Variants in HDGFL2 observed in about 807,000 individuals in gnomAD.
HDGFL2 encodes hepatoma-derived growth factor-related protein 2.
HDGFL2 carries 36 observed loss-of-function variants against 77.1 expected under a neutral mutation model. The ratio of observed to expected loss-of-function variants is 0.47; its 90% CI spans 0.36 to 0.62. HDGFL2 has a LOEUF of 0.62. HDGFL2 is among the 20% of genes least tolerant of loss of function. HDGFL2 has a pLI of 0.00. For synonymous variants in HDGFL2, 463 were observed against 413.1 expected (o/e 1.12, Z -1.46); for missense variants, 976 against 973.4 (o/e 1.00, Z -0.04).
At position 4,501,091 on chromosome 19, in the gene HDGFL2, G is replaced by A. The variant is rs966042066; in HGVS notation, c.1790-100G>A. On this transcript the variant is annotated intron_variant, in intron 14 of 15. Transcript: ENST00000616600. ...AGGTGGATGGGCATGTGTCACCCAC[G>A]GCGCTCAGCTTGGCCCCTGGTCCAG... 14 of 1,469,758 alleles carry A rather than the reference G, an allele frequency of 9.5e-6. No homozygotes were observed. In the Admixed American group the frequency reaches 1.1e-4, roughly 12 times the overall value. 91.0% of individuals were successfully genotyped at this position (1,469,758 alleles called of 1,614,324 possible). A position where few individuals can be genotyped will look rare whatever the true frequency, so the allele number is the denominator to read the frequency against.
At chr19:4,477,790 G>T (rs1390945866) in intron 3 of HDGFL2, among the ~76,000 whole-genome samples, 1 of 152,112 alleles carries the variant, frequency 6.6e-6, no homozygotes, top group Non-Finnish European at 1.5e-5. Context: ...TGTTTAAGAT[G>T]CAGATTCCTG....
At chr19:4,495,101 G>A (rs1051980642) in intron 9 of HDGFL2, among the ~76,000 whole-genome samples, 2 of 152,004 alleles carry the variant, frequency 1.3e-5, no homozygotes, top group African/African-American at 4.8e-5. Context: ...AAAAGGCTCC[G>A]AATGGGCTGG....
At chr19:4,473,222 C>T (rs965936828) in intron 1 of HDGFL2, among the ~76,000 whole-genome samples, 2 of 138,894 alleles carry the variant, frequency 1.4e-5, no homozygotes, top group African/African-American at 5.5e-5. Context: ...GGGGGGTGTC[C>T]AGGGCCTGAA....
intron 4 of HDGFL2, among the ~76,000 whole-genome samples, chr19:4,490,243 A>G (rs1347485733): frequency 5.9e-5 from 9 of 152,102 alleles, no homozygotes; most frequent in Admixed American, 5.9e-4. Flanking sequence ...GCCCGCTACC[A>G]CGTCCGGCTA....
intron 3 of HDGFL2, among the ~76,000 whole-genome samples, chr19:4,475,824 T>C (rs1975057433): frequency 6.6e-6 from 1 of 151,554 alleles, no homozygotes; most frequent in South Asian, 2.1e-4. Context: ...CAGTGTCCCC[T>C]GGGTGGAGGG....
Position 4,494,606 on chromosome 19 carries a change from C to T in HDGFL2, c.1224+131C>T, listed in dbSNP as rs1047564906. 4.7e-6 allele frequency: 3 copies of T among 639,542 alleles called. No homozygotes were observed. In the African/African-American group the frequency reaches 5.7e-5, roughly 12 times the overall value. The allele number at this position is 639,542 out of a possible 1,614,324, so 39.6% of individuals were successfully genotyped here. A position where few individuals can be genotyped will look rare whatever the true frequency, so the allele number is the denominator to read the frequency against. On this transcript the variant is annotated intron_variant, in intron 9 of 15. Coordinates refer to ENST00000616600, the MANE Select transcript of HDGFL2 (RefSeq NM_001001520.3). ...AGTGCGTGGGCCCAGAAACTCCTGC[C>T]CTGGAGGAGGGGACATTCATGGGAG... is the stretch of plus-strand genomic sequence containing the variant.
At chr19:4,500,679 T>C (rs1425068189) in intron 14 of HDGFL2, among the ~76,000 whole-genome samples, 1 of 152,178 alleles carries the variant, frequency 6.6e-6, no homozygotes, top group Non-Finnish European at 1.5e-5. Context: ...TCCAGGATGG[T>C]GTCAATCTCT....
intron 6 of HDGFL2, 39 bp from the exon 7 acceptor site, chr19:4,493,664 G>A (rs1165338145): frequency 2.5e-5 from 35 of 1,405,100 alleles, no homozygotes; most frequent in Non-Finnish European, 3.0e-5. Flanking sequence ...TCTCACGGTG[G>A]GGCTCCTGAT....
At chr19:4,495,760 C>T (rs760360252) in intron 9 of HDGFL2, among the ~76,000 whole-genome samples, 1 of 151,984 alleles carries the variant, frequency 6.6e-6, no homozygotes, top group African/African-American at 2.4e-5. Flanking sequence ...TGCAGGTGAG[C>T]GTGGGAGCAG....
In HDGFL2 at chr19:4,495,703, T is replaced by A. The variant is rs1014983936; in HGVS notation, c.1225-599T>A. 2.0e-5 allele frequency among the ~76,000 whole-genome samples: 3 copies of A among 152,130 alleles called. No homozygotes were observed. The East Asian group carries it at 5.8e-4, about 29-fold the overall frequency. The stretch of plus-strand genomic sequence containing the variant: ...CACTGGACAGGGTAGGGACAGGCCC[T>A]CACTCGGGTGCTCTCGGGTGCCCTC... On this transcript the variant is annotated intron_variant, in intron 9 of 15. Coordinates refer to ENST00000616600, the MANE Select transcript of HDGFL2 (RefSeq NM_001001520.3).
At chr19:4,494,559 T>TTA in intron 9 of HDGFL2, 84 bp downstream of exon 9, 1 of 1,046,196 alleles carries the variant, frequency 9.6e-7, no homozygotes, top group South Asian at 3.5e-5. Flanking sequence ...GTATCCCAGG[T>TTA]TCCGGGACCC....
chr19:4,478,631 G>T (rs562402002), intron 3 of HDGFL2, among the ~76,000 whole-genome samples: 39 of 151,926 alleles, frequency 2.6e-4, no homozygotes, highest in Non-Finnish European at 4.9e-4. Context: ...CACTTGCATC[G>T]CCTTTTGGTC....
intron 3 of HDGFL2, among the ~76,000 whole-genome samples, chr19:4,487,873 A>T (rs1303616658): frequency 2.6e-5 from 4 of 151,848 alleles, no homozygotes; most frequent in African/African-American, 4.8e-5. Context: ...GAGAAATAGC[A>T]GTGCCTGGAT....
intron 3 of HDGFL2, among the ~76,000 whole-genome samples, chr19:4,476,577 G>C (rs4807591): frequency 0.69 from 104,335 of 150,336 alleles, 36,737 homozygotes; most frequent in African/African-American, 0.78. Flanking sequence ...CTTTTGAGAA[G>C]AGCCCCCTCT....
rs1974958880 is a variant in HDGFL2 at position 4,472,345 on chromosome 19, G to A, written c.-6G>A. ...CTTTCCGCGGCCTGGGCCTCTCGCCGTCAGCATGCCACACGCCTTCAAGCC... is the reference window on the plus strand; with the variant it reads ...CTTTCCGCGGCCTGGGCCTCTCGCCATCAGCATGCCACACGCCTTCAAGCC... On this transcript the variant is annotated 5_prime_UTR_variant, in exon 1 of 16. Coordinates refer to ENST00000616600, the MANE Select transcript of HDGFL2 (RefSeq NM_001001520.3). The A allele has an allele frequency of 2.0e-6, 3 of 1,516,636 alleles. No individual in the cohort carries two copies. The highest frequency in any genetic ancestry group is 1.4e-5 in the African/African-American group (1 of 69,458). 93.9% of individuals were successfully genotyped at this position (1,516,636 alleles called of 1,614,324 possible). A position where few individuals can be genotyped will look rare whatever the true frequency, so the allele number is the denominator to read the frequency against.
chr19:4,475,046 T>C, intron 1 of HDGFL2: 1 of 550,100 alleles, frequency 1.8e-6, no homozygotes, highest in South Asian at 2.1e-5. Context: ...GCACCTGCCC[T>C]GGGGCCAGCT....
chr19:4,491,914 G>T, intron 6 of HDGFL2, 79 bp downstream of exon 6: 1 of 1,353,252 alleles, frequency 7.4e-7, no homozygotes. Context: ...CCAGGGCAGG[G>T]CGGGCCATTT....
chr19:4,501,267 T>A lies in HDGFL2; in HGVS notation c.1866T>A (p.Gly622=), dbSNP rs1297330435. 1.2e-6 allele frequency: 2 copies of A among 1,612,420 alleles called. No individual in the cohort carries two copies. The highest frequency in any genetic ancestry group is 3.3e-5 in the Admixed American group (2 of 59,866). Residue 622 remains glycine (G), a synonymous_variant, in exon 15 of 16, where the codon GGT becomes GGA. Coordinates refer to ENST00000616600, the MANE Select transcript of HDGFL2 (RefSeq NM_001001520.3). ...ESAEDKEHEE[G]RDSEEGPRCG... The stretch of plus-strand genomic sequence containing the variant: ...CAGAGGACAAGGAGCACGAGGAGGG[T>A]CGGGACTCGGAGGAGGGGCCAAGGT...
At chr19:4,500,837 G>A (rs530622940) in intron 14 of HDGFL2, among the ~76,000 whole-genome samples, 4 of 152,284 alleles carry the variant, frequency 2.6e-5, no homozygotes, top group African/African-American at 9.6e-5. Flanking sequence ...GAACTCCTGG[G>A]CTCAAGTGAG....
Sources: gnomAD v4.1 joint callset for allele counts (sites outside exome capture counted in the v4.1 genomes callset) on GRCh38, gnomAD v4.1.1 for gene constraint, MANE v1.5 for transcripts, NCBI Gene and HGNC (gene_info 2026-07-23, HGNC 2026-07-21) for gene names.